Variants in PER3 observed in about 807,000 individuals in gnomAD.
PER3 encodes period circadian regulator 3, also known as period circadian protein homolog 3.
PER3 carries 107 observed loss-of-function variants against 127.2 expected under a neutral mutation model. That is an observed-to-expected ratio of 0.84 (90% confidence interval 0.72 to 0.99). The LOEUF is 0.99. Among genes scored for constraint, PER3 ranks in the 50% least tolerant of loss-of-function variants. The probability of loss-of-function intolerance (pLI) is 0.00; values close to 1 mark genes in which losing one functional copy is unlikely to be tolerated. For missense variants in PER3, 1,560 were observed against 1,525.8 expected (o/e 1.02, Z -0.37); for synonymous variants, 618 against 585.8 (o/e 1.05, Z -0.79).
chr1:7,821,007 C>T (rs892324495), intron 16 of PER3, among the ~76,000 whole-genome samples: 1 of 152,194 alleles, frequency 6.6e-6, no homozygotes, highest in Non-Finnish European at 1.5e-5. Context: ...TTCCTTTCAC[C>T]TGCATTTCAC....
intron 10 of PER3, among the ~76,000 whole-genome samples, chr1:7,805,712 G>T (rs1577740354): frequency 6.6e-6 from 1 of 152,160 alleles, no homozygotes; most frequent in South Asian, 2.1e-4. Context: ...GTAGGAAACT[G>T]CAGCCAGTAA....
chr1:7,836,968 G>C, intron 20 of PER3, 31 bp from the exon 21 acceptor site: 1 of 1,582,000 alleles, frequency 6.3e-7, no homozygotes, highest in Non-Finnish European at 8.7e-7. Flanking sequence ...TCTTATTCAG[G>C]ACTATTAAGA....
At chr1:7,818,677 G>T (rs1248002497) in intron 13 of PER3, among the ~76,000 whole-genome samples, 1 of 152,172 alleles carries the variant, frequency 6.6e-6, no homozygotes, top group African/African-American at 2.4e-5. Context: ...TGCCACATGT[G>T]GCAATTTAAA....
At position 7,842,511 on chromosome 1, in the gene PER3, T is replaced by A. The variant is rs11581160; in HGVS notation, c.3550-161T>A. 1,652 of 469,296 alleles carry A rather than the reference T, an allele frequency of 3.5e-3. 4 individuals are homozygous for A. The highest frequency in any genetic ancestry group is 4.0e-3 in the Non-Finnish European group (1,453 of 359,624). The allele number at this position is 469,296 out of a possible 1,614,324, so 29.1% of individuals were successfully genotyped here. ...CAAGACTCTGTCTCAAAAAAAAAAA[T>A]AAAAATAGTTATAATAATAATAAAG... On this transcript the variant is annotated intron_variant, in intron 21 of 21. Coordinates refer to ENST00000377532, the MANE Select transcript of PER3 (RefSeq NM_001377275.1).
intron 16 of PER3, among the ~76,000 whole-genome samples, chr1:7,822,148 A>G (rs895511040): frequency 6.6e-6 from 1 of 152,156 alleles, no homozygotes; most frequent in African/African-American, 2.4e-5. Context: ...GCTCATGCCT[A>G]TAACCCCAGC....
chr1:7,838,132 G>T (rs1469041282), intron 21 of PER3, among the ~76,000 whole-genome samples: 2 of 151,944 alleles, frequency 1.3e-5, no homozygotes, highest in African/African-American at 4.8e-5. Flanking sequence ...TGATATTAAG[G>T]CTTATGAAGT....
chr1:7,789,596 A>G (rs6699986), intron 5 of PER3, among the ~76,000 whole-genome samples: 44,498 of 152,026 alleles, frequency 0.29, 6,728 homozygotes, highest in Middle Eastern at 0.47. Context: ...GCAGCATGCA[A>G]ACGGACCTAA....
chr1:7,790,580 C>T (rs1436596457), intron 5 of PER3, among the ~76,000 whole-genome samples: 1 of 152,164 alleles, frequency 6.6e-6, no homozygotes, highest in Admixed American at 6.5e-5. Flanking sequence ...CTCACGTCCT[C>T]ACATTTCAAA....
In PER3 at chr1:7,798,562, C is replaced by G. The variant is rs201106401; in HGVS notation, c.682C>G (p.Pro228Ala). The stretch of plus-strand genomic sequence containing the variant: ...CAGAAAGCAAGAGAAGTGTCACTCC[C>G]CATTCCGGATCATCCCCTATCTGAT... Reference protein sequence around the residue: ...EDRKQEKCHSPFRIIPYLIHV... With the variant: ...EDRKQEKCHSAFRIIPYLIHV... The change falls in exon 7 of 22, where the codon CCA (proline) becomes GCA (alanine). Residue 228 changes from proline (P) to alanine (A), a missense_variant. Physicochemically the swap from Pro to Ala is conservative, Grantham distance 27. Coordinates refer to ENST00000377532, the MANE Select transcript of PER3 (RefSeq NM_001377275.1). The G allele has an allele frequency of 8.6e-5, 139 of 1,613,350 alleles. No individual in the cohort carries two copies. Among genetic ancestry groups the G allele is most frequent in the Non-Finnish European group, 1.6e-5 (19 of 1,179,428 alleles).
intron 19 of PER3, among the ~76,000 whole-genome samples, chr1:7,833,806 C>A (rs1056902420): frequency 1.3e-5 from 2 of 152,130 alleles, no homozygotes; most frequent in African/African-American, 4.8e-5. Flanking sequence ...TTTGTCTCAT[C>A]TGCCCTTTCT....
In PER3 at chr1:7,826,250, A is replaced by G. The variant is rs1349440616; in HGVS notation, c.1958-230A>G. Reference sequence around the variant, plus strand: ...TGTTTACAATAAAAGCAAGATTTAAATAAATGTGTGCATATTGATTATCAC... The same window carrying G: ...TGTTTACAATAAAAGCAAGATTTAAGTAAATGTGTGCATATTGATTATCAC... On this transcript the variant is annotated intron_variant, in intron 16 of 21. Transcript: ENST00000377532. The surrounding 1 kb of genome is among the most constrained non-coding windows in gnomAD (Gnocchi z 4.2). 6.6e-6 allele frequency among the ~76,000 whole-genome samples: 1 copy of G among 152,222 alleles called. No homozygotes were observed. Among genetic ancestry groups the G allele is most frequent in the Non-Finnish European group, 1.5e-5 (1 of 68,038 alleles).
At chr1:7,802,296 A>G (rs2097173936) in intron 8 of PER3, among the ~76,000 whole-genome samples, 1 of 151,920 alleles carries the variant, frequency 6.6e-6, no homozygotes, top group Non-Finnish European at 1.5e-5. Context: ...GGAGTCTCAC[A>G]CTGTTGCCCG....
chr1:7,813,637 A>G (rs1280328103), intron 13 of PER3, among the ~76,000 whole-genome samples: 1 of 152,216 alleles, frequency 6.6e-6, no homozygotes, highest in East Asian at 1.9e-4. Flanking sequence ...GGCAAGAAGT[A>G]TAACTAGAGG....
intron 3 of PER3, 112 bp downstream of exon 3, chr1:7,785,698 G>C (rs1437158114): frequency 2.5e-6 from 2 of 807,162 alleles, no homozygotes; most frequent in East Asian, 2.5e-5. Flanking sequence ...GCTTTTTCTG[G>C]TGCTTTGTGG....
At chr1:7,837,255 A>C in intron 21 of PER3, 106 bp downstream of exon 21, 2 of 836,836 alleles carry the variant, frequency 2.4e-6, no homozygotes, top group South Asian at 3.8e-5. Flanking sequence ...TTTAATCCTC[A>C]CAGTTTACCT....
Position 7,798,569 on chromosome 1 carries a change from G to A in PER3, c.689G>A (p.Arg230Gln), listed in dbSNP as rs141738539. 20 of 1,613,056 alleles carry A rather than the reference G, an allele frequency of 1.2e-5. No homozygotes were observed. The highest frequency in any genetic ancestry group is 3.3e-5 in the Admixed American group (2 of 59,978). ...RKQEKCHSPFRIIPYLIHVHH... is the reference protein window; with the variant it reads ...RKQEKCHSPFQIIPYLIHVHH... ...CAAGAGAAGTGTCACTCCCCATTCCGGATCATCCCCTATCTGATTCATGTA... is the reference window on the plus strand; with the variant it reads ...CAAGAGAAGTGTCACTCCCCATTCCAGATCATCCCCTATCTGATTCATGTA... Residue 230 changes from arginine (R) to glutamine (Q), a missense_variant, in exon 7 of 22, where the codon CGG becomes CAG. By Grantham distance (43) the Arg-to-Gln change is conservative. Around this residue, in one of 3 missense-constraint regions of PER3, gnomAD observed 1,332 missense variants for 1,223.6 expected, o/e 1.09. Transcript: ENST00000377532.
In PER3 at chr1:7,794,686, G is replaced by C. The variant is rs141270134; in HGVS notation, c.644+678G>C. 7.9e-5 allele frequency among the ~76,000 whole-genome samples: 12 copies of C among 152,016 alleles called. No homozygotes were observed. The East Asian group carries it at 2.3e-3, about 29-fold the overall frequency. On this transcript the variant is annotated intron_variant, in intron 6 of 21. Coordinates refer to ENST00000377532, the MANE Select transcript of PER3 (RefSeq NM_001377275.1). ...TTTTGAAATTTTTAATAGCTTTAAA[G>C]AAAGCAAGAGATTTATATTTGTGAG...
Position 7,800,840 on chromosome 1 carries a change from AAAG to A in PER3, c.794-271_794-269del, listed in dbSNP as rs1472798374. ...AGACTCTGTCTCCAAAAAAAAAAAAAAAGAGAGAAAACTATTTAATGTGCACAT... is the reference window on the plus strand; with the variant it reads ...AGACTCTGTCTCCAAAAAAAAAAAAAAGAGAAAACTATTTAATGTGCACAT... On this transcript the variant is annotated intron_variant, in intron 7 of 21. Coordinates refer to ENST00000377532, the MANE Select transcript of PER3 (RefSeq NM_001377275.1). Among the ~76,000 whole-genome samples the A allele has an allele frequency of 1.3e-4, 16 of 119,896 alleles. No homozygotes were observed. The South Asian group carries it at 1.9e-3, about 14-fold the overall frequency. 78.7% of individuals were successfully genotyped at this position (119,896 alleles called of 152,430 possible).
chr1:7,800,160 A>C (rs1172345038), intron 7 of PER3, among the ~76,000 whole-genome samples: 1 of 151,912 alleles, frequency 6.6e-6, no homozygotes, highest in Admixed American at 6.6e-5. Context: ...AATAGCGCAC[A>C]AGCAAATGAG....
Sources: gnomAD v4.1 joint callset for allele counts (sites outside exome capture counted in the v4.1 genomes callset) on GRCh38, gnomAD v4.1.1 for gene constraint, gnomAD v4.1.1 regional missense constraint, Gnocchi (gnomAD v3.1) non-coding constraint, MANE v1.5 for transcripts, NCBI Gene and HGNC (gene_info 2026-07-23, HGNC 2026-07-21) for gene names.